Variants in FYN observed in about 807,000 individuals in gnomAD.
FYN encodes the protein tyrosine-protein kinase Fyn.
FYN carries 10 observed loss-of-function variants against 70.2 expected under a neutral mutation model. That is an observed-to-expected ratio of 0.14 (90% CI 0.09 to 0.24). The LOEUF is 0.24. Among genes scored for constraint, FYN ranks in the 10% least tolerant of loss-of-function variants. FYN has a pLI of 1.00. For missense variants in FYN, 319 were observed against 673.1 expected (o/e 0.47, Z 5.82); for synonymous variants, 236 against 248.6 (o/e 0.95, Z 0.48).
chr6:111,788,485 C>T (rs1469057633), intron 2 of FYN, among the ~76,000 whole-genome samples: 1 of 152,148 alleles, frequency 6.6e-6, no homozygotes, highest in Non-Finnish European at 1.5e-5. Context: ...CTGTGTGAGT[C>T]TTTGTTGAGT....
intron 3 of FYN, 38 bp from the exon 4 acceptor site, chr6:111,720,100 G>A: frequency 6.5e-7 from 1 of 1,548,950 alleles, no homozygotes; most frequent in Non-Finnish European, 8.7e-7. Context: ...AAGCTGGGAT[G>A]CTCCCTAGTT....
intron 12 of FYN, among the ~76,000 whole-genome samples, chr6:111,681,941 T>G (rs1048063449): frequency 6.6e-6 from 1 of 152,202 alleles, no homozygotes; most frequent in Non-Finnish European, 1.5e-5. Flanking sequence ...ATAAACACTA[T>G]ACACTGTTCC....
Position 111,821,455 on chromosome 6 carries a change from T to C in FYN, c.-82+25134A>G, listed in dbSNP as rs1285612547. Among the ~76,000 whole-genome samples the C allele has an allele frequency of 1.1e-4, 16 of 152,208 alleles. No individual in the cohort carries two copies. The East Asian group carries it at 2.5e-3, about 24-fold the overall frequency. On this transcript the variant is annotated intron_variant, in intron 2 of 13. Transcript: ENST00000354650. Reference sequence around the variant, plus strand: ...TATGTAGAGAGCTGAAACTGGATCCTTTCCTTACACCTTATACAAAAATTA... The same window carrying C: ...TATGTAGAGAGCTGAAACTGGATCCCTTCCTTACACCTTATACAAAAATTA...
At chr6:111,832,123 A>C (rs1773035590) in intron 2 of FYN, among the ~76,000 whole-genome samples, 1 of 152,210 alleles carries the variant, frequency 6.6e-6, no homozygotes, top group African/African-American at 2.4e-5. Context: ...ACAATTATGC[A>C]AGTTGATATA....
At position 111,755,611 on chromosome 6, in the gene FYN, T is replaced by C. The variant is rs1802697059; in HGVS notation, c.-12+24955A>G. ...CGGAATATTTAAAAAGAATTGACCATGTCCTAGGCCACAAACCAAGTCTCA... is the reference window on the plus strand; with the variant it reads ...CGGAATATTTAAAAAGAATTGACCACGTCCTAGGCCACAAACCAAGTCTCA... On this transcript the variant is annotated intron_variant, in intron 3 of 13. Coordinates refer to ENST00000354650, the MANE Select transcript of FYN (RefSeq NM_002037.5). Among the ~76,000 whole-genome samples, 3 of 152,208 alleles carry C rather than the reference T, an allele frequency of 2.0e-5. No homozygotes were observed. In the South Asian group the frequency reaches 6.2e-4, roughly 31 times the overall value.
At position 111,789,782 on chromosome 6, in the gene FYN, A is replaced by C. The variant is rs148717944; in HGVS notation, c.-81-9147T>G. 5.9e-5 allele frequency among the ~76,000 whole-genome samples: 9 copies of C among 152,376 alleles called. No individual in the cohort carries two copies. In the East Asian group the frequency reaches 1.7e-3, roughly 29 times the overall value. On this transcript the variant is annotated intron_variant, in intron 2 of 13. Coordinates refer to ENST00000354650, the MANE Select transcript of FYN (RefSeq NM_002037.5). ...AAATTAAGCTGTTCCTAAGATCTGC[A>C]ATCCACAGTCTGAACAGAAACACTG...
At position 111,719,924 on chromosome 6, in the gene FYN, C is replaced by G. The variant is rs201335932; in HGVS notation, c.128G>C (p.Gly43Ala). The G allele has an allele frequency of 1.9e-6, 3 of 1,614,066 alleles. No individual in the cohort carries two copies. Among genetic ancestry groups the G allele is most frequent in the Non-Finnish European group, 1.7e-6 (2 of 1,180,042 alleles). The change falls in exon 4 of 14, where the codon GGT becomes GCT. Residue 43 changes from glycine (G) to alanine (A), a missense_variant. This residue lies in a region of FYN where 128 missense variants were observed against 183.9 expected (regional missense o/e 0.70). Coordinates refer to ENST00000354650, the MANE Select transcript of FYN (RefSeq NM_002037.5). ...DPTPQHYPSF[G>A]VTSIPNYNNF... ...GTTGTAGTTGGGGATGGAGGTCACA[C>G]CGAAGCTGGGGTAGTGCTGAGGGGT...
chr6:111,780,016 C>T (rs951723542), intron 3 of FYN, among the ~76,000 whole-genome samples: 1 of 151,936 alleles, frequency 6.6e-6, no homozygotes, highest in African/African-American at 2.4e-5. Context: ...TCTCCTGATC[C>T]CAAAGACTGT....
At chr6:111,669,090 T>C (rs2128403686) in intron 13 of FYN, among the ~76,000 whole-genome samples, 1 of 152,264 alleles carries the variant, frequency 6.6e-6, no homozygotes, top group South Asian at 2.1e-4. Flanking sequence ...AAGTCACCTG[T>C]TGAATGATTT....
At chr6:111,753,536 G>A (rs1802577998) in intron 3 of FYN, among the ~76,000 whole-genome samples, 1 of 152,066 alleles carries the variant, frequency 6.6e-6, no homozygotes, top group Non-Finnish European at 1.5e-5. Flanking sequence ...TGAAGGGACA[G>A]GAGTGACAAT....
At chr6:111,767,603 T>A (rs1803280604) in intron 3 of FYN, among the ~76,000 whole-genome samples, 1 of 152,170 alleles carries the variant, frequency 6.6e-6, no homozygotes, top group Admixed American at 6.5e-5. Flanking sequence ...GGTTTCACCA[T>A]GTCAGCCAGG....
At chr6:111,714,300 T>C (rs1484190600) in intron 5 of FYN, 47 bp downstream of exon 5, 1 of 1,305,474 alleles carries the variant, frequency 7.7e-7, no homozygotes, top group Non-Finnish European at 1.1e-6. Flanking sequence ...CAAGACCCCT[T>C]CCCAACCTGA....
intron 3 of FYN, among the ~76,000 whole-genome samples, chr6:111,721,805 T>C (rs1023545974): frequency 9.2e-5 from 14 of 151,900 alleles, no homozygotes; most frequent in South Asian, 4.2e-4. Flanking sequence ...GGTTAAATGG[T>C]CCCCCTTTGG....
intron 12 of FYN, among the ~76,000 whole-genome samples, chr6:111,684,944 T>C (rs1366344193): frequency 6.6e-6 from 1 of 152,154 alleles, no homozygotes; most frequent in African/African-American, 2.4e-5. Context: ...CAATTATCCT[T>C]CCAGTTTCCG....
At position 111,727,647 on chromosome 6, in the gene FYN, C is replaced by G. The variant is rs1583370595; in HGVS notation, c.-11-7585G>C. 3.3e-5 allele frequency among the ~76,000 whole-genome samples: 5 copies of G among 152,304 alleles called. 1 individual carries two copies. The highest frequency in any genetic ancestry group is 3.3e-4 in the Admixed American group (5 of 15,290). The stretch of plus-strand genomic sequence containing the variant: ...AGCCTACTTAAAAATCAAACCCAAG[C>G]TTTGCTTCAGAAATAAGTGGAGTTG... On this transcript the variant is annotated intron_variant, in intron 3 of 13. Transcript: ENST00000354650.
chr6:111,717,052 G>A (rs1280081413), intron 4 of FYN, among the ~76,000 whole-genome samples: 6 of 152,080 alleles, frequency 3.9e-5, no homozygotes, highest in Non-Finnish European at 7.4e-5. Flanking sequence ...CCAAAGTGCT[G>A]GGATTACAGG....
chr6:111,783,844 G>A (rs1013790009), intron 2 of FYN, among the ~76,000 whole-genome samples: 6 of 152,138 alleles, frequency 3.9e-5, no homozygotes, highest in African/African-American at 9.7e-5. Context: ...TGCAACATTC[G>A]CATCAACCAG....
In FYN at chr6:111,823,161, A is replaced by G. The variant is rs1363235843; in HGVS notation, c.-82+23428T>C. 2.6e-5 allele frequency among the ~76,000 whole-genome samples: 4 copies of G among 152,192 alleles called. No homozygotes were observed. The East Asian group carries it at 7.7e-4, about 29-fold the overall frequency. ...ATCTACAGTGCATTTGCAGTGACTA[A>G]CAGTGATTATGAATGGCAACCAACA... On this transcript the variant is annotated intron_variant, in intron 2 of 13. Coordinates refer to ENST00000354650, the MANE Select transcript of FYN (RefSeq NM_002037.5).
At chr6:111,776,052 T>C (rs553762694) in intron 3 of FYN, among the ~76,000 whole-genome samples, 22 of 152,356 alleles carry the variant, frequency 1.4e-4, no homozygotes, top group African/African-American at 5.1e-4. Context: ...ACACATTGTG[T>C]AAATAAGAAG....
Sources: gnomAD v4.1 joint callset for allele counts (sites outside exome capture counted in the v4.1 genomes callset) on GRCh38, gnomAD v4.1.1 for gene constraint, gnomAD v4.1.1 regional missense constraint, MANE v1.5 for transcripts, NCBI Gene and HGNC (gene_info 2026-07-23, HGNC 2026-07-21) for gene names.